CPXM2: variants seen among roughly 807,000 people sequenced by gnomAD.
The protein encoded by CPXM2 is carboxypeptidase X, M14 family member 2, also known as inactive carboxypeptidase-like protein X2.
CPXM2 carries 66 observed loss-of-function variants against 86.1 expected under a neutral mutation model. The ratio of observed to expected loss-of-function variants is 0.77; its 90% CI spans 0.63 to 0.94. CPXM2 has a LOEUF of 0.94. CPXM2 is among the 40% of genes least tolerant of loss of function. The probability of loss-of-function intolerance (pLI) is 0.00; values close to 1 mark genes in which losing one functional copy is unlikely to be tolerated. For missense variants in CPXM2, 948 were observed against 1,026.3 expected, an observed-to-expected ratio of 0.92 and a Z score of 1.04; for synonymous variants, 388 against 400.2, an observed-to-expected ratio of 0.97 and a Z score of 0.36.
chr10:123,814,547 CTA>C (rs1847772430), intron 4 of CPXM2, among the ~76,000 whole-genome samples: 1 of 152,108 alleles, frequency 6.6e-6, no homozygotes, highest in South Asian at 2.1e-4. Flanking sequence ...AGAACCCTGA[CTA>C]ATACAGATTT....
At chr10:123,934,182 A>G (rs951774796) in intron 2 of CPXM2, among the ~76,000 whole-genome samples, 4 of 152,152 alleles carry the variant, frequency 2.6e-5, no homozygotes, top group African/African-American at 9.7e-5. Flanking sequence ...ACCCAATGAC[A>G]CCGAGCCCTG....
chr10:123,891,630 C>A lies in CPXM2; in HGVS notation c.30G>T (p.Ala10=). 6.8e-7 allele frequency: 1 copy of A among 1,469,424 alleles called. No individual in the cohort carries two copies. Among genetic ancestry groups the A allele is most frequent in the African/African-American group, 1.5e-5 (1 of 68,288 alleles). The allele number at this position is 1,469,424 out of a possible 1,614,324, so 91.0% of individuals were successfully genotyped here. A position where few individuals can be genotyped will look rare whatever the true frequency, so the allele number is the denominator to read the frequency against. MSRPGTATP[A]LALVLLAVTL... is the part of the protein sequence containing the mutation. ...TCACTGCCAGGAGCACCAGGGCCAGCGCTGGGGTAGCGGTCCCCGGGCGGG... is the reference window on the plus strand; with the variant it reads ...TCACTGCCAGGAGCACCAGGGCCAGAGCTGGGGTAGCGGTCCCCGGGCGGG... The change falls in exon 1 of 14, where the codon GCG becomes GCT. Residue 10 remains alanine, a synonymous_variant. Coordinates refer to ENST00000241305, the MANE Select transcript of CPXM2 (RefSeq NM_198148.3). This position sits in a 1 kb window ranked among gnomAD's most constrained non-coding sequence, Gnocchi z 5.6.
At chr10:123,794,734 C>CGTGTGTGTGTGT (rs142855432) in intron 6 of CPXM2, among the ~76,000 whole-genome samples, 1,911 of 141,260 alleles carry the variant, frequency 0.014, 8 homozygotes, top group Non-Finnish European at 0.021. Flanking sequence ...TATTTAAGAC[C>CGTGTGTGTGTGT]GTGTGTGTGT....
At chr10:123,884,950 G>A (rs189677494) in intron 1 of CPXM2, among the ~76,000 whole-genome samples, 150 of 152,366 alleles carry the variant, frequency 9.8e-4, no homozygotes, top group Admixed American at 5.4e-3. Flanking sequence ...CAACCAAATA[G>A]AGTCCTTTGC....
At chr10:123,847,905 A>C (rs1255848641) in intron 3 of CPXM2, among the ~76,000 whole-genome samples, 1 of 152,152 alleles carries the variant, frequency 6.6e-6, no homozygotes, top group Non-Finnish European at 1.5e-5. Flanking sequence ...CATATTTCAT[A>C]ATCATGGGCT....
intron 2 of CPXM2, among the ~76,000 whole-genome samples, chr10:123,872,436 C>T (rs1391530026): frequency 6.6e-6 from 1 of 152,050 alleles, no homozygotes; most frequent in African/African-American, 2.4e-5. Flanking sequence ...AAAAAGCATA[C>T]AATGTATGAT....
At chr10:123,826,278 T>C (rs1848045555) in intron 4 of CPXM2, among the ~76,000 whole-genome samples, 1 of 152,156 alleles carries the variant, frequency 6.6e-6, no homozygotes, top group Admixed American at 6.5e-5. Context: ...CCCTGCAAGA[T>C]TATGCTTCTG....
chr10:123,752,010 T>C, intron 13 of CPXM2: 2 of 985,412 alleles, frequency 2.0e-6, no homozygotes, highest in Non-Finnish European at 1.2e-6. Context: ...TCCCACTCAG[T>C]TCAAAACTCC....
chr10:123,921,288 T>A (rs182795662), intron 2 of CPXM2, among the ~76,000 whole-genome samples: 3,022 of 152,206 alleles, frequency 0.02, 77 homozygotes, highest in East Asian at 0.092. Flanking sequence ...CAATTTTTTT[T>A]TAAAAAAAGC....
In CPXM2 at chr10:123,812,576, C is replaced by T. The variant is rs141653273; in HGVS notation, c.654-13377G>A. Among the ~76,000 whole-genome samples the T allele has an allele frequency of 7.1e-3, 1,080 of 152,308 alleles. 4 individuals carry two copies. Among genetic ancestry groups the T allele is most frequent in the Non-Finnish European group, 0.012 (830 of 68,022 alleles). ...TATTCTAGCCCCGGGGTCCCCAACC[C>T]CTGGACCATGAACCAGTACTGGTCT... On this transcript the variant is annotated intron_variant, in intron 4 of 13. Transcript: ENST00000241305.
chr10:123,771,809 T>G (rs551170614), intron 7 of CPXM2, among the ~76,000 whole-genome samples: 9 of 152,274 alleles, frequency 5.9e-5, no homozygotes, highest in African/African-American at 1.9e-4. Context: ...TCTCACAACA[T>G]CTGATGGTTT....
chr10:123,881,140 C>G (rs1368587848), intron 1 of CPXM2, among the ~76,000 whole-genome samples: 5 of 151,676 alleles, frequency 3.3e-5, no homozygotes, highest in Non-Finnish European at 7.4e-5. Context: ...TCTCCCTGCT[C>G]CAGCAACACT....
Position 123,754,738 on chromosome 10 carries a change from C to T in CPXM2, c.1942G>A (p.Val648Met). ...ATTCCTTTTCCATGTGAATCTCTCA[C>T]CAAGCCTTTAATGCCACGATGAACC... is the stretch of plus-strand genomic sequence containing the variant. ...EQVHRGIKGL[V>M]RDSHGKGIPN... The change falls in exon 13 of 14, where the codon GTG becomes ATG. Residue 648 changes from valine to methionine, a missense_variant. Coordinates refer to ENST00000241305, the MANE Select transcript of CPXM2 (RefSeq NM_198148.3). This position sits in a 1 kb window ranked among gnomAD's most constrained non-coding sequence, Gnocchi z 4.0. 1 of 1,610,272 alleles carries T rather than the reference C, an allele frequency of 6.2e-7. No individual in the cohort carries two copies. The highest frequency in any genetic ancestry group is 8.5e-7 in the Non-Finnish European group (1 of 1,176,482).
intron 6 of CPXM2, among the ~76,000 whole-genome samples, chr10:123,788,158 G>A (rs2134044680): frequency 6.6e-6 from 1 of 151,680 alleles, no homozygotes; most frequent in Middle Eastern, 3.4e-3. Flanking sequence ...GCACATACCT[G>A]TAATCCTAGC....
intron 2 of CPXM2, among the ~76,000 whole-genome samples, chr10:123,909,384 A>G (rs1945470358): frequency 6.6e-6 from 1 of 152,220 alleles, no homozygotes; most frequent in Admixed American, 6.5e-5. Flanking sequence ...TTCTTTAAAG[A>G]ACACTCTTTG....
rs543394074 is a variant in CPXM2 at position 123,763,963 on chromosome 10, C to T, written c.1480-1794G>A. ...CCGCAATGTATAAGAAATCTACTGTCCCATATTCCCTCCCACACTGGGGGC... is the reference window on the plus strand; with the variant it reads ...CCGCAATGTATAAGAAATCTACTGTTCCATATTCCCTCCCACACTGGGGGC... On this transcript the variant is annotated intron_variant, in intron 10 of 13. Transcript: ENST00000241305. 4.6e-5 allele frequency among the ~76,000 whole-genome samples: 7 copies of T among 152,260 alleles called. No individual in the cohort carries two copies. The East Asian group carries it at 1.2e-3, about 25-fold the overall frequency.
intron 4 of CPXM2, among the ~76,000 whole-genome samples, chr10:123,831,938 GGCCGGGGGTGGGGGGCGT>G (rs1848173796): frequency 6.8e-6 from 1 of 148,094 alleles, no homozygotes; most frequent in Non-Finnish European, 1.5e-5. Context: ...TGTGGGTGGA[GGCCGGGGGTGGGGGGCGT>G]GCCAGGGGGT....
intron 2 of CPXM2, among the ~76,000 whole-genome samples, chr10:123,920,673 G>A (rs181291879): frequency 3.3e-5 from 5 of 152,274 alleles, no homozygotes; most frequent in Admixed American, 6.5e-5. Context: ...TTTCTCCATA[G>A]TTCACGTGTT....
chr10:123,825,405 A>G (rs1247304321), intron 4 of CPXM2, among the ~76,000 whole-genome samples: 2 of 152,332 alleles, frequency 1.3e-5, no homozygotes, highest in African/African-American at 4.8e-5. Context: ...CCGTGGAGGA[A>G]TACGGCACAG....
Sources: allele counts gnomAD v4.1 joint callset (sites outside exome capture counted in the v4.1 genomes callset), GRCh38; gene constraint gnomAD v4.1.1; non-coding constraint Gnocchi (gnomAD v3.1); transcripts MANE v1.5; gene names NCBI Gene and HGNC (gene_info 2026-07-23, HGNC 2026-07-21).